PLXND1: variants seen among roughly 807,000 people sequenced by gnomAD.
PLXND1 encodes plexin D1.
PLXND1 carries 54 observed loss-of-function variants against 197.7 expected under a neutral mutation model. The ratio of observed to expected loss-of-function variants is 0.27; its 90% CI spans 0.22 to 0.34. The LOEUF (loss-of-function observed/expected upper bound fraction) is 0.34. Among genes scored for constraint, PLXND1 ranks in the 10% least tolerant of loss-of-function variants. The pLI, the probability that PLXND1 is intolerant of heterozygous loss-of-function variation, is 1.00. For synonymous variants in PLXND1, 1,180 were observed against 1,161.2 expected (o/e 1.02, Z -0.33); for missense variants, 2,127 against 2,699.2 (o/e 0.79, Z 4.70).
At position 129,556,310 on chromosome 3, in the gene PLXND1, T is replaced by A; in HGVS notation, c.*2A>T. The A allele has an allele frequency of 6.3e-7, 1 of 1,588,006 alleles. No homozygotes were observed. The highest frequency in any genetic ancestry group is 2.2e-5 in the East Asian group (1 of 44,754). Reference sequence around the variant, plus strand: ...AGCAGCCTGACCAACTCTCCATGTGTCTCAGGCCTCACTGTAGCACTCGTA... The same window carrying A: ...AGCAGCCTGACCAACTCTCCATGTGACTCAGGCCTCACTGTAGCACTCGTA... On this transcript the variant is annotated 3_prime_UTR_variant, in exon 36 of 36. Transcript: ENST00000324093.
chr3:129,605,278 CCCGCCCCCGCCGCCGCCGCCG>C (rs2085767937), intron 1 of PLXND1, 30 bp downstream of exon 1: 3 of 736,880 alleles, frequency 4.1e-6, no homozygotes, highest in Non-Finnish European at 1.9e-6. Context: ...CGCCCCCGCC[CCCGCCCCCGCCGCCGCCGCCG>C]CCGCCGCCGC....
At position 129,584,397 on chromosome 3, in the gene PLXND1, G is replaced by T. The variant is rs1423116680; in HGVS notation, c.2017C>A (p.Pro673Thr). 5.0e-6 allele frequency: 8 copies of T among 1,612,434 alleles called. No individual in the cohort carries two copies. Among genetic ancestry groups the T allele is most frequent in the East Asian group, 4.5e-5 (2 of 44,896 alleles). ...LLPRDQFPPF[P>T]PNQDHVTVEM... ...ACAGCGTGCTTACCCTGGTTGGGGG[G>T]GAAGGGCGGAAACTGGTCCCTCGGC... Residue 673 changes from proline to threonine, a missense_variant, in exon 6 of 36, where the codon CCC becomes ACC. By Grantham distance (38) the Pro-to-Thr change is conservative. Around this residue, in one of 6 missense-constraint regions of PLXND1, gnomAD observed 1,095 missense variants for 1,259.8 expected, o/e 0.87. Transcript: ENST00000324093.
At chr3:129,563,324 T>C in intron 25 of PLXND1, 84 bp from the exon 26 acceptor site, 2 of 1,147,344 alleles carry the variant, frequency 1.7e-6, no homozygotes, top group Non-Finnish European at 1.2e-6. Flanking sequence ...CACGCCCCCG[T>C]CCCCCAACCC....
In PLXND1 at chr3:129,569,811, CTCCAAGGTGTCCTGAGGGTG is replaced by C; in HGVS notation, c.3865+12_3865+31del. 7.7e-7 allele frequency: 1 copy of C among 1,298,912 alleles called. No individual in the cohort carries two copies. The highest frequency in any genetic ancestry group is 1.1e-6 in the Non-Finnish European group (1 of 892,792). The allele number at this position is 1,298,912 out of a possible 1,614,324, so 80.5% of individuals were successfully genotyped here. On this transcript the variant is annotated intron_variant, in intron 20 of 35. Coordinates refer to ENST00000324093, the MANE Select transcript of PLXND1 (RefSeq NM_015103.3). ...GCTGGGGCAAGGTGGCAAGCCTGCC[CTCCAAGGTGTCCTGAGGGTG>C]GGGCTCCTTACCCACCACGGAGAGC...
Position 129,555,689 on chromosome 3 carries a change from C to A in PLXND1, c.*623G>T. The A allele has an allele frequency of 1.9e-6, 1 of 539,618 alleles. No homozygotes were observed. Among genetic ancestry groups the A allele is most frequent in the Admixed American group, 3.8e-5 (1 of 26,044 alleles). The allele number at this position is 539,618 out of a possible 1,614,324, so 33.4% of individuals were successfully genotyped here. A position where few individuals can be genotyped will look rare whatever the true frequency, so the allele number is the denominator to read the frequency against. ...GTGCCCCCCATCCCTCCCCTCCACC[C>A]TCCCTGCTCCTGGAGAAGCCCACAG... On this transcript the variant is annotated 3_prime_UTR_variant, in exon 36 of 36. Coordinates refer to ENST00000324093, the MANE Select transcript of PLXND1 (RefSeq NM_015103.3).
chr3:129,594,477 C>T (rs2085591605), intron 1 of PLXND1, among the ~76,000 whole-genome samples: 1 of 152,060 alleles, frequency 6.6e-6, no homozygotes, highest in Admixed American at 6.6e-5. Context: ...GAGACCCTGT[C>T]TCGAAAAAAT....
chr3:129,555,723 A>C lies in PLXND1; in HGVS notation c.*589T>G. On this transcript the variant is annotated 3_prime_UTR_variant, in exon 36 of 36. Coordinates refer to ENST00000324093, the MANE Select transcript of PLXND1 (RefSeq NM_015103.3). ...CCTGGAGAAGCCCACAGAGCACCCC[A>C]TGGCGCGGGCACTGCCCACTCTACC... 3 of 512,956 alleles carry C rather than the reference A, an allele frequency of 5.8e-6. No individual in the cohort carries two copies. The highest frequency in any genetic ancestry group is 3.4e-6 in the Non-Finnish European group (1 of 294,880). The allele number at this position is 512,956 out of a possible 1,614,324, so 31.8% of individuals were successfully genotyped here.
intron 27 of PLXND1, 112 bp from the exon 28 acceptor site, chr3:129,562,015 G>T: frequency 1.4e-6 from 1 of 720,084 alleles, no homozygotes; most frequent in Non-Finnish European, 2.5e-6. Flanking sequence ...TGTAAACTGA[G>T]GCAAGCCATA....
intron 27 of PLXND1, among the ~76,000 whole-genome samples, chr3:129,562,186 G>A (rs966872067): frequency 1.3e-5 from 2 of 152,130 alleles, no homozygotes; most frequent in Non-Finnish European, 2.9e-5. Flanking sequence ...TACAATTGCT[G>A]ATGAAACCCT....
chr3:129,588,942 G>A (rs909268872), intron 2 of PLXND1, among the ~76,000 whole-genome samples: 1 of 152,186 alleles, frequency 6.6e-6, no homozygotes, highest in African/African-American at 2.4e-5. Context: ...CCAGGCCATG[G>A]CCTTACCCTG....
rs80349132 is a variant in PLXND1 at position 129,586,695 on chromosome 3, C to G, written c.1513G>C (p.Val505Leu). ...ACAGTCACCACCCGCCTGCTCACCA[C>G]CTGCATGCTCTCGTTCAGGTTGATC... ...LKINLNESMQ[V>L]VSRRVVTVAY... Residue 505 changes from valine to leucine, a missense_variant, in exon 3 of 36, where the codon GTG (valine) becomes CTG (leucine). Physicochemically the swap from Val to Leu is conservative, Grantham distance 32 (BLOSUM62 1). Coordinates refer to ENST00000324093, the MANE Select transcript of PLXND1 (RefSeq NM_015103.3). The G allele has an allele frequency of 1.3e-3, 2,155 of 1,598,336 alleles. 22 individuals are homozygous for G. In the African/African-American group the frequency reaches 0.023, roughly 17 times the overall value.
chr3:129,577,665 G>A lies in PLXND1; in HGVS notation c.2346+664C>T, dbSNP rs371709602. Among the ~76,000 whole-genome samples the A allele has an allele frequency of 9.2e-5, 14 of 152,234 alleles. No homozygotes were observed. The East Asian group carries it at 1.2e-3, about 13-fold the overall frequency. On this transcript the variant is annotated intron_variant, in intron 9 of 35. Coordinates refer to ENST00000324093, the MANE Select transcript of PLXND1 (RefSeq NM_015103.3). The surrounding 1 kb of genome is among the most constrained non-coding windows in gnomAD (Gnocchi z 5.0). ...GGTGGCTGGCACGCCTCCAGGACTC[G>A]TCAACGCTTCCCACCCAGGACGCGC...
intron 2 of PLXND1, among the ~76,000 whole-genome samples, chr3:129,588,159 C>CGGGGTGT (rs2085487302): frequency 6.6e-6 from 1 of 152,210 alleles, no homozygotes; most frequent in Non-Finnish European, 1.5e-5. Context: ...CAGGCTGTGG[C>CGGGGTGT]GGGGTGTGGG....
Position 129,567,686 on chromosome 3 carries a change from C to G in PLXND1, c.3973+12G>C. On this transcript the variant is annotated intron_variant, in intron 21 of 35. Transcript: ENST00000324093. ...AGTTGAGGCCCAGCCCTGCAGGGTCCCCGCCCACTACCTTTGCGGATTTCC... is the reference window on the plus strand; with the variant it reads ...AGTTGAGGCCCAGCCCTGCAGGGTCGCCGCCCACTACCTTTGCGGATTTCC... 6.3e-7 allele frequency: 1 copy of G among 1,590,316 alleles called. No individual in the cohort carries two copies. Among genetic ancestry groups the G allele is most frequent in the Non-Finnish European group, 8.6e-7 (1 of 1,158,594 alleles).
chr3:129,561,514 C>G, intron 29 of PLXND1, 132 bp downstream of exon 29: 1 of 667,476 alleles, frequency 1.5e-6, no homozygotes, highest in South Asian at 1.8e-5. Context: ...TGGCCCCGCC[C>G]AGCCCCCACC....
rs539558454 is a variant in PLXND1, at chr3:129,566,757, C to T, written c.4087-126G>A. The T allele has an allele frequency of 8.2e-6, 5 of 607,114 alleles. No individual in the cohort carries two copies. The Admixed American group carries it at 1.5e-4, about 18-fold the overall frequency. The allele number at this position is 607,114 out of a possible 1,614,324, so 37.6% of individuals were successfully genotyped here. On this transcript the variant is annotated intron_variant, in intron 22 of 35. Coordinates refer to ENST00000324093, the MANE Select transcript of PLXND1 (RefSeq NM_015103.3). ...GGAAACTGGCACGGAATTAGCTCCC[C>T]ATAAAGGACTAAGAGGCAGTGGGCC...
At chr3:129,589,310 T>TGCCCCCCCCCCCCCCCCCCCCCACACCCC in intron 2 of PLXND1, 41 bp downstream of exon 2, 1 of 501,294 alleles carries the variant, frequency 2.0e-6, no homozygotes, top group South Asian at 1.7e-5. Context: ...CAGGGGAGCC[T>TGCCCCCCCCCCCCCCCCCCCCCACACCCC]CCCACCCCCA....
chr3:129,596,301 G>A lies in PLXND1; in HGVS notation c.1312-6774C>T, dbSNP rs141760204. On this transcript the variant is annotated intron_variant, in intron 1 of 35. Coordinates refer to ENST00000324093, the MANE Select transcript of PLXND1 (RefSeq NM_015103.3). ...CCGCCCTCACCAAGGACACAGTAGT[G>A]GGAGCTCTGGCCTCGGCCTGCTCTG... Among the ~76,000 whole-genome samples, 7 of 152,260 alleles carry A rather than the reference G, an allele frequency of 4.6e-5. No individual in the cohort carries two copies. The East Asian group carries it at 1.4e-3, about 29-fold the overall frequency.
Position 129,571,522 on chromosome 3 carries a change from C to A in PLXND1, c.3323G>T (p.Gly1108Val). 1 of 1,613,582 alleles carries A rather than the reference C, an allele frequency of 6.2e-7. No individual in the cohort carries two copies. ...CGAATGCCTCACCGTGGGCTCCCGG[C>A]CAATGTGGTGGACGGCCATGGACAC... ...QNVSMAVHHIGREPTLCKVLN... is the reference protein window; with the variant it reads ...QNVSMAVHHIVREPTLCKVLN... The change falls in exon 17 of 36, where the codon GGC (glycine) becomes GTC (valine). Residue 1108 changes from glycine to valine, a missense_variant. Gly to Val is a moderately radical substitution (Grantham distance 109). Around this residue, in one of 6 missense-constraint regions of PLXND1, gnomAD observed 532 missense variants for 811.0 expected, o/e 0.66. Coordinates refer to ENST00000324093, the MANE Select transcript of PLXND1 (RefSeq NM_015103.3).
Sources: gnomAD v4.1 joint callset for allele counts (sites outside exome capture counted in the v4.1 genomes callset) on GRCh38, gnomAD v4.1.1 for gene constraint, gnomAD v4.1.1 regional missense constraint, Gnocchi (gnomAD v3.1) non-coding constraint, MANE v1.5 for transcripts, NCBI Gene and HGNC (gene_info 2026-07-23, HGNC 2026-07-21) for gene names.